The following ADARB2 variants were observed in gnomAD, a reference collection of about 807,000 sequenced individuals.
ADARB2 encodes inactive double-stranded RNA-specific editase B2.
A neutral mutation model predicts 62.2 loss-of-function variants in ADARB2; 25 were observed. That is an observed-to-expected ratio of 0.40 (90% CI 0.29 to 0.56). The LOEUF is 0.56. Ranked by LOEUF, ADARB2 falls within the 20% of genes least tolerant of loss-of-function variation. The pLI is 0.43. For missense variants in ADARB2, 1,071 were observed against 1,077.4 expected (o/e 0.99, Z 0.08); for synonymous variants, 572 against 500.8 (o/e 1.14, Z -1.90).
intron 3 of ADARB2, among the ~76,000 whole-genome samples, chr10:1,360,682 G>C (rs1386440527): frequency 6.6e-6 from 1 of 152,200 alleles, no homozygotes. Flanking sequence ...GGGTAAAATG[G>C]GCCCCTTGGA....
At chr10:1,367,706 C>G (rs1442234688) in intron 2 of ADARB2, among the ~76,000 whole-genome samples, 1 of 152,178 alleles carries the variant, frequency 6.6e-6, no homozygotes, top group Non-Finnish European at 1.5e-5. Flanking sequence ...TTGCCTGGTA[C>G]TCTGTAATTT....
chr10:1,270,288 T>G (rs1453565583), intron 4 of ADARB2, among the ~76,000 whole-genome samples: 1 of 152,238 alleles, frequency 6.6e-6, no homozygotes, highest in Non-Finnish European at 1.5e-5. Context: ...GTGTGAAACT[T>G]AATCCAAAGG....
chr10:1,639,869 A>AAAAC (rs146079232), intron 1 of ADARB2, among the ~76,000 whole-genome samples: 49 of 149,064 alleles, frequency 3.3e-4, no homozygotes, highest in African/African-American at 7.1e-4. Context: ...AAAGCAAAAC[A>AAAAC]AAACAAACAA....
chr10:1,662,672 C>T (rs911704338), intron 1 of ADARB2, among the ~76,000 whole-genome samples: 6 of 152,206 alleles, frequency 3.9e-5, no homozygotes, highest in African/African-American at 7.2e-5. Flanking sequence ...TACGGCCCCT[C>T]GAAACCCATG....
At chr10:1,266,998 A>T (rs2131796318) in intron 4 of ADARB2, among the ~76,000 whole-genome samples, 1 of 152,236 alleles carries the variant, frequency 6.6e-6, no homozygotes, top group East Asian at 1.9e-4. Flanking sequence ...GCAGAAAATT[A>T]ATAGAGTGTT....
intron 4 of ADARB2, among the ~76,000 whole-genome samples, chr10:1,245,348 A>T (rs1830974611): frequency 6.6e-6 from 1 of 152,048 alleles, no homozygotes; most frequent in Non-Finnish European, 1.5e-5. Context: ...TTTCTTTTTT[A>T]TTATACTTTA....
At chr10:1,233,656 G>A (rs67687625) in intron 6 of ADARB2, 38 bp downstream of exon 6, 557,556 of 1,572,120 alleles carry the variant, frequency 0.35, 103,793 homozygotes, top group East Asian at 0.47. Context: ...GGAGCTGGGG[G>A]CTGTTGGCCT....
At chr10:1,737,025 G>A (rs761966777) in intron 1 of ADARB2, 26 bp downstream of exon 1, 10 of 1,606,890 alleles carry the variant, frequency 6.2e-6, no homozygotes, top group Non-Finnish European at 8.5e-6. Context: ...AGGGGGGCAG[G>A]GGCCGGCGCG....
intron 1 of ADARB2, among the ~76,000 whole-genome samples, chr10:1,485,892 G>A (rs78341547): frequency 2.1e-3 from 319 of 152,234 alleles, no homozygotes; most frequent in African/African-American, 7.4e-3. Context: ...TTCAAGTTAC[G>A]TCCAATGAGA....
intron 9 of ADARB2, 84 bp from the exon 10 acceptor site, chr10:1,183,453 G>T: frequency 6.6e-7 from 1 of 1,514,034 alleles, no homozygotes; most frequent in Non-Finnish European, 9.0e-7. Context: ...CCAGGCATCA[G>T]CTCCTGGCCT....
rs539471203 is a variant in ADARB2 at position 1,616,671 on chromosome 10, C to T, written c.100+120380G>A. ...TCCAGACACACTCCGCACCACCCTG[C>T]TGAGCTCTGCATCCTGGGAACTGGC... On this transcript the variant is annotated intron_variant, in intron 1 of 9. Transcript: ENST00000381312. Among the ~76,000 whole-genome samples, 1,165 of 147,266 alleles carry T rather than the reference C, an allele frequency of 7.9e-3. 8 individuals are homozygous for T. The highest frequency in any genetic ancestry group is 0.012 in the Non-Finnish European group (822 of 67,088).
intron 4 of ADARB2, among the ~76,000 whole-genome samples, chr10:1,257,994 C>G (rs540106904): frequency 2.7e-4 from 41 of 152,258 alleles, no homozygotes; most frequent in African/African-American, 9.6e-4. Context: ...TTTAGAATAT[C>G]TTTATTATAT....
At chr10:1,294,677 A>G (rs1028276496) in intron 3 of ADARB2, among the ~76,000 whole-genome samples, 6 of 152,108 alleles carry the variant, frequency 3.9e-5, no homozygotes, top group African/African-American at 7.2e-5. Context: ...CTTGCCCCCA[A>G]CGTCAAAGCT....
chr10:1,443,878 A>G (rs1830930558), intron 1 of ADARB2, among the ~76,000 whole-genome samples: 1 of 152,184 alleles, frequency 6.6e-6, no homozygotes, highest in Admixed American at 6.5e-5. Flanking sequence ...ATGTTTCCTT[A>G]TTCAGCATGG....
intron 1 of ADARB2, among the ~76,000 whole-genome samples, chr10:1,695,479 TATTC>T (rs1409188956): frequency 6.6e-6 from 1 of 152,238 alleles, no homozygotes; most frequent in Non-Finnish European, 1.5e-5. Context: ...GTCACTCATT[TATTC>T]ATTAAGAGCT....
chr10:1,465,187 G>A (rs765237366), intron 1 of ADARB2, among the ~76,000 whole-genome samples: 1 of 152,208 alleles, frequency 6.6e-6, no homozygotes, highest in Non-Finnish European at 1.5e-5. Context: ...AAGTTACAGG[G>A]TCGGGAGGTG....
At chr10:1,285,557 C>G (rs1010838714) in intron 3 of ADARB2, among the ~76,000 whole-genome samples, 2 of 152,182 alleles carry the variant, frequency 1.3e-5, no homozygotes, top group Non-Finnish European at 2.9e-5. Flanking sequence ...CCAGGTGCTT[C>G]CAGCTCCAGG....
At chr10:1,599,727 C>T (rs1301653072) in intron 1 of ADARB2, among the ~76,000 whole-genome samples, 3 of 152,082 alleles carry the variant, frequency 2.0e-5, no homozygotes, top group African/African-American at 7.2e-5. Flanking sequence ...TGTCTGGAAG[C>T]CTTTGTGAAA....
chr10:1,565,009 C>T (rs368505993), intron 1 of ADARB2, among the ~76,000 whole-genome samples: 8 of 152,342 alleles, frequency 5.3e-5, no homozygotes, highest in South Asian at 2.1e-4. Flanking sequence ...TGGGGGCCGA[C>T]GTGCAGCAGC....
Sources: allele counts gnomAD v4.1 joint callset (sites outside exome capture counted in the v4.1 genomes callset), GRCh38; gene constraint gnomAD v4.1.1; transcripts MANE v1.5; gene names NCBI Gene and HGNC (gene_info 2026-07-23, HGNC 2026-07-21).